The following ACTA2 variants were observed in gnomAD, a reference collection of about 807,000 sequenced individuals.
ACTA2 encodes actin alpha 2, smooth muscle.
In ACTA2, 12 loss-of-function variants were observed where a neutral mutation model predicts 39.5. The observed-to-expected ratio is 0.30, with a 90% CI of 0.19 to 0.49. The LOEUF is 0.49. Among genes scored for constraint, ACTA2 ranks in the 20% least tolerant of loss-of-function variants. ACTA2 has a pLI of 0.99. For synonymous variants in ACTA2, 158 were observed against 180.6 expected (o/e 0.88, Z 1.00); for missense variants, 236 against 498.8 (o/e 0.47, Z 5.02).
intron 1 of ACTA2, among the ~76,000 whole-genome samples, chr10:88,964,255 G>T (rs976916061): frequency 1.3e-5 from 2 of 152,104 alleles, no homozygotes; most frequent in African/African-American, 2.4e-5. Context: ...AGAAAAAAGC[G>T]AACAGAAGTT....
chr10:88,941,666 G>C (rs1037240163), intron 5 of ACTA2, 119 bp downstream of exon 5: 1 of 959,536 alleles, frequency 1.0e-6, no homozygotes, highest in Non-Finnish European at 1.6e-6. Flanking sequence ...TTTAGGGCTG[G>C]GTTCAGCCGT....
chr10:88,975,934 TC>T (rs1224764307), intron 1 of ACTA2, among the ~76,000 whole-genome samples: 1 of 152,204 alleles, frequency 6.6e-6, no homozygotes, highest in Non-Finnish European at 1.5e-5. Context: ...CAAATTTCTT[TC>T]CTCTTCATTT....
At chr10:88,956,247 C>T (rs919930945), upstream of ACTA2, among the ~76,000 whole-genome samples, 2 of 152,146 alleles carry the variant, frequency 1.3e-5, no homozygotes, top group Admixed American at 6.5e-5. Flanking sequence ...GTCAGAAGTC[C>T]AAAACAGGTT....
chr10:88,960,818 T>A (rs1327000622), intron 1 of ACTA2, among the ~76,000 whole-genome samples: 1 of 152,212 alleles, frequency 6.6e-6, no homozygotes, highest in Non-Finnish European at 1.5e-5. Context: ...TTCCTTGAAC[T>A]AGTAACAAAG....
At position 88,939,523 on chromosome 10, in the gene ACTA2, G is replaced by A. The variant is rs763185901; in HGVS notation, c.792C>T (p.Phe264=). Residue 264 remains phenylalanine, a synonymous_variant, in exon 7 of 9, where the codon TTC becomes TTT. Transcript: ENST00000224784. ...NERFRCPETL[F]QPSFIGMESA... ...GTTGCCTACCGATGAAGGATGGCTG[G>A]AACAGGGTCTCTGGGCAGCGGAAAC... 4 of 1,613,470 alleles carry A rather than the reference G, an allele frequency of 2.5e-6. No individual in the cohort carries two copies. The highest frequency in any genetic ancestry group is 2.2e-5 in the East Asian group (1 of 44,860).
intron 1 of ACTA2, among the ~76,000 whole-genome samples, chr10:88,949,992 A>T (rs960030972): frequency 2.0e-5 from 3 of 152,222 alleles, no homozygotes; most frequent in African/African-American, 4.8e-5. Flanking sequence ...ATCCTTTCAT[A>T]AAATTAGAAA....
rs1242626436 is a variant in ACTA2, at chr10:88,941,777, C to T, written c.454+8G>A. 4 of 1,609,690 alleles carry T rather than the reference C, an allele frequency of 2.5e-6. No homozygotes were observed. The highest frequency in any genetic ancestry group is 1.7e-4 in the Middle Eastern group (1 of 6,020). On this transcript the variant is annotated splice_region_variant and intron_variant, in intron 5 of 8. Transcript: ENST00000224784. The stretch of plus-strand genomic sequence containing the variant: ...CCAACCAGCTTGCTGTCCCGCCCAG[C>T]CACCTACCAGTTGTGCGTCCAGAGG...
At chr10:88,982,080 T>C (rs566360524) in intron 1 of ACTA2, among the ~76,000 whole-genome samples, 1 of 152,332 alleles carries the variant, frequency 6.6e-6, no homozygotes, top group South Asian at 2.1e-4. Context: ...AAGAAGGCAG[T>C]ATGTTGTTAT....
In ACTA2 at chr10:88,937,610, G is replaced by A. The variant is rs10509560; in HGVS notation, c.990+451C>T. ...AATGAGGATAAAATTTGAATTCTTG[G>A]CCACAGGATTGAGGTTAGTAGTGGA... On this transcript the variant is annotated intron_variant, in intron 8 of 8. Coordinates refer to ENST00000224784, the MANE Select transcript of ACTA2 (RefSeq NM_001613.4). 8.5e-3 allele frequency among the ~76,000 whole-genome samples: 1,288 copies of A among 152,274 alleles called. 47 individuals carry two copies. In the East Asian group the frequency reaches 0.12, roughly 15 times the overall value.
chr10:88,938,804 G>A (rs1042729845), intron 7 of ACTA2, among the ~76,000 whole-genome samples: 3 of 152,050 alleles, frequency 2.0e-5, no homozygotes, highest in African/African-American at 7.2e-5. Context: ...ACCTCTAGGT[G>A]CCCTTTCATC....
At chr10:88,964,032 T>C (rs1391738153) in intron 1 of ACTA2, among the ~76,000 whole-genome samples, 1 of 152,078 alleles carries the variant, frequency 6.6e-6, no homozygotes, top group Non-Finnish European at 1.5e-5. Flanking sequence ...TACTTTGGTT[T>C]AGTTTCATAT....
chr10:88,936,271 G>T (rs1298970397), intron 8 of ACTA2, among the ~76,000 whole-genome samples: 2 of 152,078 alleles, frequency 1.3e-5, no homozygotes, highest in African/African-American at 4.8e-5. Flanking sequence ...TTCAAACCTG[G>T]GTTCTCCCAG....
intron 8 of ACTA2, among the ~76,000 whole-genome samples, chr10:88,936,982 C>G (rs1235808992): frequency 6.6e-6 from 1 of 152,154 alleles, no homozygotes; most frequent in Non-Finnish European, 1.5e-5. Flanking sequence ...CTAGCAATAG[C>G]CTCTTTCTGT....
At chr10:88,946,252 C>T (rs112046571) in intron 3 of ACTA2, among the ~76,000 whole-genome samples, 54 of 151,456 alleles carry the variant, frequency 3.6e-4, no homozygotes, top group African/African-American at 1.3e-3. Context: ...CAGTTGCATG[C>T]CACCACACAC....
In ACTA2 at chr10:88,967,087, AGAGACCCTC is replaced by A. The variant is rs1262530271; in HGVS notation, c.-23-18143_-23-18135del. ...CCCCTAGAAAAGAAAGTGAACAGGA[AGAGACCCTC>A]GAGATATCTTTGGATGCATCAAGAA... is the stretch of plus-strand genomic sequence containing the variant. On this transcript the variant is annotated intron_variant, in intron 1 of 4. Coordinates refer to the ACTA2 transcript ENST00000415557. 5.9e-5 allele frequency among the ~76,000 whole-genome samples: 9 copies of A among 152,360 alleles called. No individual in the cohort carries two copies. The Middle Eastern group carries it at 0.014, about 230-fold the overall frequency.
At chr10:88,946,034 AC>A (rs1404523108) in intron 3 of ACTA2, among the ~76,000 whole-genome samples, 1 of 152,122 alleles carries the variant, frequency 6.6e-6, no homozygotes, top group African/African-American at 2.4e-5. Flanking sequence ...GCAAAGGGCT[AC>A]TCTTCTCATC....
chr10:88,939,390 T>C, intron 7 of ACTA2, 117 bp downstream of exon 7: 1 of 1,374,976 alleles, frequency 7.3e-7, no homozygotes, highest in South Asian at 1.2e-5. Flanking sequence ...CTTTTTCTGG[T>C]TTAGAAATGC....
chr10:88,950,987 C>T (rs1218125391), intron 1 of ACTA2, among the ~76,000 whole-genome samples: 2 of 152,184 alleles, frequency 1.3e-5, no homozygotes, highest in Non-Finnish European at 2.9e-5. Context: ...TCTTTCCACA[C>T]TGCTCCAGGC....
intron 3 of ACTA2, among the ~76,000 whole-genome samples, chr10:88,946,607 G>A (rs1845952909): frequency 6.6e-6 from 1 of 151,790 alleles, no homozygotes; most frequent in Admixed American, 6.6e-5. Flanking sequence ...TACCCAGCCT[G>A]GTCTCAAACT....
Sources: gnomAD v4.1 joint callset for allele counts (sites outside exome capture counted in the v4.1 genomes callset) on GRCh38, gnomAD v4.1.1 for gene constraint, MANE v1.5 for transcripts, NCBI Gene and HGNC (gene_info 2026-07-23, HGNC 2026-07-21) for gene names.